The following ASAP2 variants were observed in gnomAD, a reference collection of about 807,000 sequenced individuals.
ASAP2 encodes arf-GAP with SH3 domain, ANK repeat and PH domain-containing protein 2.
In ASAP2, 45 loss-of-function variants were observed where a neutral mutation model predicts 131.4. That is an observed-to-expected ratio of 0.34 (90% CI 0.27 to 0.44). The LOEUF is 0.44. Among genes scored for constraint, ASAP2 ranks in the 20% least tolerant of loss-of-function variants. ASAP2 has a pLI of 1.00. For missense variants in ASAP2, 1,011 were observed against 1,297.0 expected, an observed-to-expected ratio of 0.78 and a Z score of 3.39; for synonymous variants, 510 against 503.0, an observed-to-expected ratio of 1.01 and a Z score of -0.19.
At chr2:9,284,990 C>T (rs533074270) in intron 2 of ASAP2, among the ~76,000 whole-genome samples, 3 of 152,294 alleles carry the variant, frequency 2.0e-5, no homozygotes, top group South Asian at 2.1e-4. Context: ...TTCTTACCAT[C>T]GTTACCTGCA....
chr2:9,351,522 T>C (rs1672331268), intron 12 of ASAP2, among the ~76,000 whole-genome samples: 1 of 152,090 alleles, frequency 6.6e-6, no homozygotes, highest in Non-Finnish European at 1.5e-5. Context: ...GGTAGTTCTG[T>C]GTGGCAGGGT....
chr2:9,396,750 C>T (rs192018444), intron 24 of ASAP2, among the ~76,000 whole-genome samples: 74 of 152,280 alleles, frequency 4.9e-4, no homozygotes, highest in African/African-American at 1.7e-3. Context: ...ACCTACAATC[C>T]CAGCACTTTG....
chr2:9,289,332 T>C (rs976166435), intron 2 of ASAP2, among the ~76,000 whole-genome samples: 3 of 152,216 alleles, frequency 2.0e-5, no homozygotes, highest in Admixed American at 6.5e-5. Flanking sequence ...TTCTCACTTA[T>C]TGGATGCTTG....
At chr2:9,280,883 T>C (rs1192323103) in intron 2 of ASAP2, among the ~76,000 whole-genome samples, 1 of 152,240 alleles carries the variant, frequency 6.6e-6, no homozygotes, top group East Asian at 1.9e-4. Context: ...TGATTCTCCT[T>C]ATACAAATGA....
chr2:9,226,124 C>T (rs1000373710), intron 1 of ASAP2, among the ~76,000 whole-genome samples: 1 of 152,198 alleles, frequency 6.6e-6, no homozygotes, highest in African/African-American at 2.4e-5. Flanking sequence ...AAGAGGGGCT[C>T]AGAAGGTCAG....
chr2:9,392,882 C>T lies in ASAP2; in HGVS notation c.2519-600C>T, dbSNP rs1446300561. Among the ~76,000 whole-genome samples the T allele has an allele frequency of 6.6e-6, 1 of 152,192 alleles. No individual in the cohort carries two copies. Among genetic ancestry groups the T allele is most frequent in the Non-Finnish European group, 1.5e-5 (1 of 68,038 alleles). Reference sequence around the variant, plus strand: ...AAGGAGACTTGGACTCACAGCCTCCCTCCAGGTCTTACCAGCTCTGCCACC... The same window carrying T: ...AAGGAGACTTGGACTCACAGCCTCCTTCCAGGTCTTACCAGCTCTGCCACC... On this transcript the variant is annotated intron_variant, in intron 23 of 27. Transcript: ENST00000281419. This position sits in a 1 kb window ranked among gnomAD's most constrained non-coding sequence, Gnocchi z 4.0.
intron 1 of ASAP2, among the ~76,000 whole-genome samples, chr2:9,227,230 T>C (rs1307111754): frequency 1.3e-5 from 2 of 152,200 alleles, no homozygotes; most frequent in African/African-American, 2.4e-5. Flanking sequence ...TGGCCTCTGC[T>C]GTACCCTCAG....
intron 1 of ASAP2, among the ~76,000 whole-genome samples, chr2:9,222,622 A>G (rs527971500): frequency 2.2e-4 from 34 of 152,252 alleles, no homozygotes; most frequent in African/African-American, 8.2e-4. Flanking sequence ...GCAAATAGGA[A>G]TGAGGTGTGT....
In ASAP2 at chr2:9,302,620, G is replaced by A. The variant is rs927321637; in HGVS notation, c.345+5175G>A. On this transcript the variant is annotated intron_variant, in intron 3 of 27. Transcript: ENST00000281419. ...CTCCCAAGTAGCTGGGATTATAGGCGCGAGCCACCACACCCAGCTAAGTTT... is the reference window on the plus strand; with the variant it reads ...CTCCCAAGTAGCTGGGATTATAGGCACGAGCCACCACACCCAGCTAAGTTT... 5.3e-5 allele frequency among the ~76,000 whole-genome samples: 8 copies of A among 151,990 alleles called. No homozygotes were observed. In the South Asian group the frequency reaches 6.3e-4, roughly 12 times the overall value.
At position 9,391,168 on chromosome 2, in the gene ASAP2, G is replaced by A. The variant is rs960785500; in HGVS notation, c.2490G>A (p.Pro830=). ...SSSDPPAVHP[P]LPPLRVTSTN... The stretch of plus-strand genomic sequence containing the variant: ...CAGATCCGCCAGCTGTCCATCCACC[G>A]CTGCCCCCTCTTCGCGTGACATCTA... The change falls in exon 23 of 28, where the codon CCG becomes CCA. Residue 830 remains proline (P), a synonymous_variant. Coordinates refer to ENST00000281419, the MANE Select transcript of ASAP2 (RefSeq NM_003887.3). The A allele has an allele frequency of 1.4e-5, 22 of 1,613,914 alleles. No individual in the cohort carries two copies. Among genetic ancestry groups the A allele is most frequent in the African/African-American group, 2.7e-5 (2 of 74,936 alleles).
At chr2:9,250,120 A>G (rs1664607221) in intron 1 of ASAP2, among the ~76,000 whole-genome samples, 1 of 152,224 alleles carries the variant, frequency 6.6e-6, no homozygotes, top group Non-Finnish European at 1.5e-5. Context: ...GTAGGGTTTC[A>G]TAAAGCTAAA....
chr2:9,362,150 G>C (rs994265177), intron 15 of ASAP2, among the ~76,000 whole-genome samples: 1 of 152,224 alleles, frequency 6.6e-6, no homozygotes, highest in Non-Finnish European at 1.5e-5. Flanking sequence ...TGCATGGTCT[G>C]TCTGGTTGTC....
intron 1 of ASAP2, among the ~76,000 whole-genome samples, chr2:9,274,241 C>T (rs1183196594): frequency 6.6e-6 from 1 of 151,282 alleles, no homozygotes; most frequent in Non-Finnish European, 1.5e-5. Flanking sequence ...TTATTTCTTT[C>T]TCTTGTCTAA....
intron 2 of ASAP2, among the ~76,000 whole-genome samples, chr2:9,293,996 ATT>A (rs557969541): frequency 0.3 from 41,270 of 139,238 alleles, 5,888 homozygotes; most frequent in Non-Finnish European, 0.35. Context: ...AAGGACAAGA[ATT>A]TTTTTTTTTT....
intron 1 of ASAP2, among the ~76,000 whole-genome samples, chr2:9,253,317 C>T (rs1303770148): frequency 3.3e-5 from 5 of 152,054 alleles, no homozygotes. Context: ...GTGCCCGCCA[C>T]CACACCTGGC....
At chr2:9,399,960 G>A in intron 24 of ASAP2, 63 bp from the exon 25 acceptor site, 3 of 1,522,746 alleles carry the variant, frequency 2.0e-6, no homozygotes, top group Non-Finnish European at 2.7e-6. Flanking sequence ...CTGATAAAAG[G>A]GGATGAGAAA....
At chr2:9,261,035 A>T (rs940051838) in intron 1 of ASAP2, among the ~76,000 whole-genome samples, 2 of 151,986 alleles carry the variant, frequency 1.3e-5, no homozygotes, top group African/African-American at 4.8e-5. Context: ...GCCGTATGAC[A>T]GCCCCTTGGG....
At position 9,207,005 on chromosome 2, in the gene ASAP2, C is replaced by A; in HGVS notation, c.-100C>A. On this transcript the variant is annotated 5_prime_UTR_variant, in exon 1 of 28. Coordinates refer to ENST00000281419, the MANE Select transcript of ASAP2 (RefSeq NM_003887.3). This position sits in a 1 kb window ranked among gnomAD's most constrained non-coding sequence, Gnocchi z 4.1. ...CCCCTTTGTCCGCGGGCCGGAGCGG[C>A]GGCGGCAGCGGCGGTGTCCGAGCGG... 1 of 1,056,058 alleles carries A rather than the reference C, an allele frequency of 9.5e-7. No homozygotes were observed. Among genetic ancestry groups the A allele is most frequent in the Non-Finnish European group, 1.1e-6 (1 of 870,930 alleles). 65.4% of individuals were successfully genotyped at this position (1,056,058 alleles called of 1,614,324 possible).
intron 1 of ASAP2, among the ~76,000 whole-genome samples, chr2:9,221,960 ATT>A (rs923234661): frequency 2.1e-5 from 3 of 144,824 alleles, no homozygotes; most frequent in Admixed American, 6.9e-5. Context: ...CGCCTGGCTA[ATT>A]TTTTTTTTTT....
Sources: allele counts gnomAD v4.1 joint callset (sites outside exome capture counted in the v4.1 genomes callset), GRCh38; gene constraint gnomAD v4.1.1; non-coding constraint Gnocchi (gnomAD v3.1); transcripts MANE v1.5; gene names NCBI Gene and HGNC (gene_info 2026-07-23, HGNC 2026-07-21).